The following KCNIP1 variants were observed in gnomAD, a reference collection of about 807,000 sequenced individuals.
KCNIP1 encodes A-type potassium channel modulatory protein KCNIP1.
KCNIP1 carries 18 observed loss-of-function variants against 33.0 expected under a neutral mutation model. The ratio of observed to expected loss-of-function variants is 0.55; its 90% CI spans 0.38 to 0.81. The LOEUF is 0.81. KCNIP1 is among the 30% of genes least tolerant of loss of function. The probability of loss-of-function intolerance (pLI) is 0.00; values close to 1 mark genes in which losing one functional copy is unlikely to be tolerated. For missense variants in KCNIP1, 238 were observed against 271.6 expected (o/e 0.88, Z 0.87); for synonymous variants, 93 against 98.3 (o/e 0.95, Z 0.32).
intron 1 of KCNIP1, among the ~76,000 whole-genome samples, chr5:170,408,050 T>C (rs1755083709): frequency 2.0e-5 from 3 of 152,240 alleles, no homozygotes. Flanking sequence ...TTTTAGCTTC[T>C]AGAACAGATT....
intron 5 of KCNIP1, among the ~76,000 whole-genome samples, chr5:170,724,573 A>G (rs1763943548): frequency 6.6e-6 from 1 of 152,214 alleles, no homozygotes; most frequent in Non-Finnish European, 1.5e-5. Flanking sequence ...TACATGGTAT[A>G]ATTGTATTAA....
intron 1 of KCNIP1, among the ~76,000 whole-genome samples, chr5:170,520,621 G>A (rs1056584048): frequency 7.2e-5 from 11 of 152,186 alleles, no homozygotes; most frequent in African/African-American, 2.4e-4. Context: ...CAACTTGAGA[G>A]ACAGAGAAAG....
At chr5:170,381,387 G>A (rs980853840) in intron 1 of KCNIP1, among the ~76,000 whole-genome samples, 2 of 152,262 alleles carry the variant, frequency 1.3e-5, no homozygotes, top group Non-Finnish European at 2.9e-5. Flanking sequence ...CACAGGAAAA[G>A]CTGAGGGCAG....
At chr5:170,713,358 G>C (rs771619466) in intron 1 of KCNIP1, among the ~76,000 whole-genome samples, 32 of 152,144 alleles carry the variant, frequency 2.1e-4, no homozygotes, top group Non-Finnish European at 2.8e-4. Context: ...TAGGCTATGT[G>C]GTTTGTAGGT....
At chr5:170,656,589 G>T (rs1761273870) in intron 1 of KCNIP1, among the ~76,000 whole-genome samples, 1 of 152,198 alleles carries the variant, frequency 6.6e-6, no homozygotes, top group Admixed American at 6.5e-5. Context: ...CCCATTGGCT[G>T]CATCCTGTTA....
At chr5:170,393,415 ACTCT>A (rs1490345065) in intron 1 of KCNIP1, among the ~76,000 whole-genome samples, 1 of 152,032 alleles carries the variant, frequency 6.6e-6, no homozygotes, top group African/African-American at 2.4e-5. Context: ...GGTGTTAGTC[ACTCT>A]CAGTCCTAGC....
chr5:170,449,390 C>G (rs1756192439), intron 1 of KCNIP1, among the ~76,000 whole-genome samples: 1 of 152,194 alleles, frequency 6.6e-6, no homozygotes, highest in African/African-American at 2.4e-5. Context: ...TCCACACACC[C>G]TTGGACCACA....
At chr5:170,378,661 G>A (rs1318610226) in intron 1 of KCNIP1, 2 of 1,548,994 alleles carry the variant, frequency 1.3e-6, no homozygotes, top group East Asian at 4.5e-5. Flanking sequence ...GGCCCAGCCA[G>A]TCCCCTGTGC....
At chr5:170,550,886 A>G (rs915736023) in intron 1 of KCNIP1, among the ~76,000 whole-genome samples, 1 of 152,210 alleles carries the variant, frequency 6.6e-6, no homozygotes, top group Non-Finnish European at 1.5e-5. Flanking sequence ...TTGGCCACCA[A>G]GAACTGTGAG....
intron 1 of KCNIP1, among the ~76,000 whole-genome samples, chr5:170,545,743 C>T (rs1446272216): frequency 1.3e-5 from 2 of 151,916 alleles, no homozygotes; most frequent in Non-Finnish European, 2.9e-5. Flanking sequence ...TGTTTTTGTT[C>T]ATTTTGCCCA....
chr5:170,713,112 C>T lies in KCNIP1; in HGVS notation c.62-5646C>T, dbSNP rs554247337. Among the ~76,000 whole-genome samples, 94 of 152,298 alleles carry T rather than the reference C, an allele frequency of 6.2e-4. 2 individuals are homozygous for T. The South Asian group carries it at 0.019, about 31-fold the overall frequency. Reference sequence around the variant, plus strand: ...AATGGTTACGTTTTCCTTTTACAGACATTTGTAAAAACTCAGAGCCCATTT... The same window carrying T: ...AATGGTTACGTTTTCCTTTTACAGATATTTGTAAAAACTCAGAGCCCATTT... On this transcript the variant is annotated intron_variant, in intron 1 of 7. Transcript: ENST00000328939.
At chr5:170,727,321 G>A (rs191339425) in intron 5 of KCNIP1, among the ~76,000 whole-genome samples, 14 of 152,318 alleles carry the variant, frequency 9.2e-5, no homozygotes, top group Non-Finnish European at 1.8e-4. Flanking sequence ...CACTCACTGC[G>A]AAGAAGTGTG....
chr5:170,640,671 A>G (rs941742665), intron 1 of KCNIP1, among the ~76,000 whole-genome samples: 6 of 152,222 alleles, frequency 3.9e-5, no homozygotes, highest in African/African-American at 1.4e-4. Context: ...TGGACAAGCC[A>G]TGTTTACTAA....
intron 1 of KCNIP1, among the ~76,000 whole-genome samples, chr5:170,512,430 C>T (rs544667761): frequency 6.6e-6 from 1 of 152,288 alleles, no homozygotes; most frequent in East Asian, 1.9e-4. Context: ...AAATCACCTG[C>T]GTATGTTATA....
chr5:170,504,637 A>T lies in KCNIP1; in HGVS notation c.61+4A>T. On this transcript the variant is annotated splice_donor_region_variant and intron_variant, in intron 1 of 7. Transcript: ENST00000328939. The surrounding 1 kb of genome is among the most constrained non-coding windows in gnomAD (Gnocchi z 6.0). ...AAACAAAGGCGACCCTCGAAAGGTAAGCCACCTTCTTCCTTTTGTTCCCCT... is the reference window on the plus strand; with the variant it reads ...AAACAAAGGCGACCCTCGAAAGGTATGCCACCTTCTTCCTTTTGTTCCCCT... The T allele has an allele frequency of 6.2e-7, 1 of 1,612,204 alleles. No homozygotes were observed. The highest frequency in any genetic ancestry group is 8.5e-7 in the Non-Finnish European group (1 of 1,178,508).
Position 170,580,625 on chromosome 5 carries a change from C to T in KCNIP1, c.61+75992C>T, listed in dbSNP as rs116050969. On this transcript the variant is annotated intron_variant, in intron 1 of 7. Transcript: ENST00000328939. Reference sequence around the variant, plus strand: ...GACCACGCTGGGCATATTCAGGGGACGGATACTCAGAACTATATAACATAA... The same window carrying T: ...GACCACGCTGGGCATATTCAGGGGATGGATACTCAGAACTATATAACATAA... Among the ~76,000 whole-genome samples the T allele has an allele frequency of 2.7e-3, 406 of 151,958 alleles. 2 individuals are homozygous for T. The highest frequency in any genetic ancestry group is 0.011 in the East Asian group (55 of 5,160).
chr5:170,658,227 T>G (rs1761343749), intron 1 of KCNIP1, among the ~76,000 whole-genome samples: 1 of 152,208 alleles, frequency 6.6e-6, no homozygotes, highest in African/African-American at 2.4e-5. Context: ...AGGAATTTAT[T>G]TCTTATGGTT....
intron 1 of KCNIP1, among the ~76,000 whole-genome samples, chr5:170,665,157 G>A (rs927144035): frequency 1.3e-5 from 2 of 152,126 alleles, no homozygotes; most frequent in Non-Finnish European, 2.9e-5. Flanking sequence ...CATTAATGGG[G>A]CAATTGATTT....
intron 3 of KCNIP1, among the ~76,000 whole-genome samples, chr5:170,721,189 C>T (rs914921058): frequency 1.3e-5 from 2 of 152,188 alleles, no homozygotes; most frequent in Non-Finnish European, 2.9e-5. Flanking sequence ...TGGCAGCAGA[C>T]AGATGCCTTC....
Sources: allele counts gnomAD v4.1 joint callset (sites outside exome capture counted in the v4.1 genomes callset), GRCh38; gene constraint gnomAD v4.1.1; non-coding constraint Gnocchi (gnomAD v3.1); transcripts MANE v1.5; gene names NCBI Gene and HGNC (gene_info 2026-07-23, HGNC 2026-07-21).